SNTG1: variants seen among roughly 807,000 people sequenced by gnomAD.
SNTG1 encodes the protein gamma-1-syntrophin.
SNTG1 carries 39 observed loss-of-function variants against 74.7 expected under a neutral mutation model. The observed-to-expected ratio is 0.52, with a 90% CI of 0.40 to 0.68. SNTG1 has a LOEUF of 0.68. Among genes scored for constraint, SNTG1 ranks in the 30% least tolerant of loss-of-function variants. SNTG1 has a pLI of 0.00. For synonymous variants in SNTG1, 254 were observed against 217.1 expected, an observed-to-expected ratio of 1.17 and a Z score of -1.49; for missense variants, 685 against 609.5, an observed-to-expected ratio of 1.12 and a Z score of -1.30.
intron 8 of SNTG1, among the ~76,000 whole-genome samples, chr8:50,459,107 G>T (rs2093535913): frequency 6.6e-6 from 1 of 152,114 alleles, no homozygotes; most frequent in South Asian, 2.1e-4. Flanking sequence ...AGTAAGGTAA[G>T]GTGTCCCATT....
At chr8:50,143,166 G>A (rs17760503) in intron 1 of SNTG1, among the ~76,000 whole-genome samples, 17,988 of 152,168 alleles carry the variant, frequency 0.12, 1,513 homozygotes, top group Non-Finnish European at 0.17. Flanking sequence ...ATATGGCCAT[G>A]CTGTGTCGAC....
rs867900565 is a variant in SNTG1 at position 50,437,522 on chromosome 8, C to T, written c.163-1021C>T. 6.5e-4 allele frequency among the ~76,000 whole-genome samples: 99 copies of T among 152,148 alleles called. 1 individual carries two copies. Among genetic ancestry groups the T allele is most frequent in the African/African-American group, 2.1e-3 (89 of 41,510 alleles). On this transcript the variant is annotated intron_variant, in intron 4 of 18. Transcript: ENST00000642720. The stretch of plus-strand genomic sequence containing the variant: ...AATATTATCTGTTCCACACAGTTTC[C>T]GCAGAACAAGAGAATGAGGGAAGCA...
chr8:50,246,927 T>C (rs1437602315), intron 2 of SNTG1, among the ~76,000 whole-genome samples: 1 of 152,206 alleles, frequency 6.6e-6, no homozygotes, highest in Non-Finnish European at 1.5e-5. Flanking sequence ...TACAATTCTT[T>C]AAGCAAATGC....
At chr8:49,926,160 T>G (rs1341558998) in intron 1 of SNTG1, among the ~76,000 whole-genome samples, 1 of 152,098 alleles carries the variant, frequency 6.6e-6, no homozygotes, top group Non-Finnish European at 1.5e-5. Context: ...AATGTAAAAT[T>G]TAAACAAATC....
At chr8:50,132,716 TC>T (rs1299126212) in intron 1 of SNTG1, among the ~76,000 whole-genome samples, 1 of 152,170 alleles carries the variant, frequency 6.6e-6, no homozygotes, top group Non-Finnish European at 1.5e-5. Flanking sequence ...CTAGAATTTT[TC>T]CTTTATTTTG....
intron 2 of SNTG1, among the ~76,000 whole-genome samples, chr8:50,339,188 T>G (rs931325489): frequency 1.3e-5 from 2 of 152,062 alleles, no homozygotes; most frequent in Non-Finnish European, 1.5e-5. Context: ...CAACTGGAAT[T>G]CTGTATCAAG....
At chr8:50,064,449 CATCTCCTAATG>C (rs1419810872) in intron 1 of SNTG1, among the ~76,000 whole-genome samples, 9 of 152,192 alleles carry the variant, frequency 5.9e-5, no homozygotes, top group Non-Finnish European at 1.3e-4. Flanking sequence ...TTTGTACATT[CATCTCCTAATG>C]AACTTTCCCG....
chr8:50,288,644 A>T (rs546752578), intron 2 of SNTG1, among the ~76,000 whole-genome samples: 43 of 152,314 alleles, frequency 2.8e-4, no homozygotes, highest in African/African-American at 9.4e-4. Context: ...CAAAGATTTC[A>T]TGGGATCAGT....
intron 2 of SNTG1, among the ~76,000 whole-genome samples, chr8:50,332,769 G>A (rs79854941): frequency 0.065 from 9,923 of 152,212 alleles, 354 homozygotes; most frequent in African/African-American, 0.071. Flanking sequence ...ACCAGTCCTT[G>A]GAGTGCAAGG....
chr8:50,249,785 T>A (rs2086565293), intron 2 of SNTG1, among the ~76,000 whole-genome samples: 2 of 152,070 alleles, frequency 1.3e-5, no homozygotes, highest in South Asian at 2.1e-4. Flanking sequence ...AATGCTACAT[T>A]CTCAACCAAC....
At chr8:50,345,239 A>T (rs1196278541) in intron 2 of SNTG1, among the ~76,000 whole-genome samples, 1 of 152,206 alleles carries the variant, frequency 6.6e-6, no homozygotes, top group African/African-American at 2.4e-5. Flanking sequence ...CAGAATAGAC[A>T]TGACAGGCCC....
At chr8:50,383,589 A>C (rs1298184729) in intron 2 of SNTG1, among the ~76,000 whole-genome samples, 1 of 152,108 alleles carries the variant, frequency 6.6e-6, no homozygotes, top group East Asian at 1.9e-4. Context: ...TTTTTCCACT[A>C]CCCATTCCTT....
chr8:50,018,911 T>C (rs1563479984), intron 1 of SNTG1, among the ~76,000 whole-genome samples: 2 of 152,010 alleles, frequency 1.3e-5, no homozygotes, highest in African/African-American at 4.8e-5. Context: ...GTGAAAACAA[T>C]TTGGCAGTTC....
At chr8:50,304,798 C>T (rs2089807145) in intron 2 of SNTG1, among the ~76,000 whole-genome samples, 1 of 152,088 alleles carries the variant, frequency 6.6e-6, no homozygotes, top group Admixed American at 6.6e-5. Flanking sequence ...ATTTGTGTGA[C>T]CACTATTTCT....
chr8:49,995,457 G>T (rs368128219), intron 1 of SNTG1, among the ~76,000 whole-genome samples: 2 of 152,178 alleles, frequency 1.3e-5, no homozygotes, highest in East Asian at 3.9e-4. Flanking sequence ...AGGATTAGTG[G>T]GAAGAGCTAA....
chr8:50,675,316 AG>A (rs1418131997), intron 15 of SNTG1, among the ~76,000 whole-genome samples: 1 of 152,102 alleles, frequency 6.6e-6, no homozygotes, highest in African/African-American at 2.4e-5. Flanking sequence ...TAGGTCTCTA[AG>A]AACTTGATTT....
At chr8:49,949,150 T>C (rs1809477916) in intron 1 of SNTG1, among the ~76,000 whole-genome samples, 2 of 152,188 alleles carry the variant, frequency 1.3e-5, no homozygotes, top group Non-Finnish European at 2.9e-5. Context: ...GTTGCTCTTC[T>C]TAGGAAAGGC....
intron 1 of SNTG1, among the ~76,000 whole-genome samples, chr8:50,149,489 T>C (rs956231928): frequency 6.6e-6 from 1 of 152,218 alleles, no homozygotes; most frequent in African/African-American, 2.4e-5. Flanking sequence ...TGAATAGTAT[T>C]GGCTAGGTTT....
intron 2 of SNTG1, among the ~76,000 whole-genome samples, chr8:50,328,494 G>T (rs2090840137): frequency 6.6e-6 from 1 of 152,214 alleles, no homozygotes; most frequent in Non-Finnish European, 1.5e-5. Flanking sequence ...GAAGGGGAAA[G>T]AGAAGCAAAC....
Sources: gnomAD v4.1 joint callset for allele counts (sites outside exome capture counted in the v4.1 genomes callset) on GRCh38, gnomAD v4.1.1 for gene constraint, MANE v1.5 for transcripts, NCBI Gene and HGNC (gene_info 2026-07-23, HGNC 2026-07-21) for gene names.